Variants in MYO16 observed in about 807,000 individuals in gnomAD.
MYO16 encodes the protein myosin XVI.
Under a neutral mutation model 205.3 loss-of-function variants are expected in MYO16, and 94 were observed. The observed-to-expected ratio is 0.46, with a 90% CI of 0.39 to 0.54. MYO16 has a LOEUF of 0.54. MYO16 is among the 20% of genes least tolerant of loss of function. MYO16 has a pLI of 0.00. For synonymous variants in MYO16, 988 were observed against 954.0 expected (o/e 1.04, Z -0.66); for missense variants, 2,315 against 2,387.5 (o/e 0.97, Z 0.63).
intron 4 of MYO16, among the ~76,000 whole-genome samples, chr13:108,774,083 T>G (rs1886052828): frequency 6.6e-6 from 1 of 151,646 alleles, no homozygotes; most frequent in African/African-American, 2.4e-5. Context: ...AGAGCGAGAC[T>G]CTGTCTCAAA....
chr13:109,132,781 C>T (rs1437097147), intron 31 of MYO16, among the ~76,000 whole-genome samples: 2 of 152,212 alleles, frequency 1.3e-5, no homozygotes, highest in African/African-American at 4.8e-5. Flanking sequence ...CAGTTCACCA[C>T]CTATGACGCA....
chr13:109,141,131 C>G lies in MYO16; in HGVS notation c.4919C>G (p.Pro1640Arg). ...AGCGCAGAGGCGCCCAAGGTTCACCCAAAGCCAAACTCTGCCCCCGTGGCC... is the reference window on the plus strand; with the variant it reads ...AGCGCAGAGGCGCCCAAGGTTCACCGAAAGCCAAACTCTGCCCCCGTGGCC... ...GPSAEAPKVH[P>R]KPNSAPVAGP... Residue 1640 changes from proline to arginine, a missense_variant, in exon 32 of 35, where the codon CCA becomes CGA. Physicochemically the swap from Pro to Arg is moderately radical, Grantham distance 103. Transcript: ENST00000457511. The surrounding 1 kb of genome is among the most constrained non-coding windows in gnomAD (Gnocchi z 4.1). 1 of 1,590,084 alleles carries G rather than the reference C, an allele frequency of 6.3e-7. No individual in the cohort carries two copies. The highest frequency in any genetic ancestry group is 2.4e-5 in the East Asian group (1 of 42,182).
intron 33 of MYO16, 92 bp from the exon 34 acceptor site, chr13:109,179,450 A>C: frequency 2.5e-6 from 2 of 791,036 alleles, no homozygotes; most frequent in Non-Finnish European, 4.4e-6. Flanking sequence ...CATAAAAGAT[A>C]ACAATTCTAG....
At chr13:108,750,449 A>G (rs759896947) in intron 4 of MYO16, among the ~76,000 whole-genome samples, 27 of 152,088 alleles carry the variant, frequency 1.8e-4, no homozygotes, top group Non-Finnish European at 3.4e-4. Context: ...TTCAAACCAC[A>G]AAGTTACTTC....
In MYO16 at chr13:109,140,712, C is replaced by A; in HGVS notation, c.4500C>A (p.Ile1500=). ...AAGPPGDACD[I]PPPFPNLLPH... Reference sequence around the variant, plus strand: ...GGCCCCCAGGGGACGCGTGCGACATCCCGCCGCCCTTCCCCAACCTGCTGC... The same window carrying A: ...GGCCCCCAGGGGACGCGTGCGACATACCGCCGCCCTTCCCCAACCTGCTGC... The change falls in exon 32 of 35, where the codon ATC becomes ATA. Residue 1500 remains isoleucine (I), a synonymous_variant. Transcript: ENST00000457511. The surrounding 1 kb of genome is among the most constrained non-coding windows in gnomAD (Gnocchi z 8.0). 1 of 1,492,818 alleles carries A rather than the reference C, an allele frequency of 6.7e-7. No homozygotes were observed. Among genetic ancestry groups the A allele is most frequent in the Non-Finnish European group, 8.9e-7 (1 of 1,122,832 alleles). 92.5% of individuals were successfully genotyped at this position (1,492,818 alleles called of 1,614,324 possible). A position where few individuals can be genotyped will look rare whatever the true frequency, so the allele number is the denominator to read the frequency against.
At chr13:108,875,260 G>A (rs1566383504) in intron 12 of MYO16, among the ~76,000 whole-genome samples, 1 of 152,110 alleles carries the variant, frequency 6.6e-6, no homozygotes. Context: ...AGACAGGTGG[G>A]GAAGGAAGTG....
chr13:108,885,156 G>A (rs1879808586), intron 13 of MYO16, among the ~76,000 whole-genome samples: 1 of 152,218 alleles, frequency 6.6e-6, no homozygotes, highest in African/African-American at 2.4e-5. Context: ...TTTCGTTCTT[G>A]TTGCCCAGGC....
At chr13:108,649,783 G>A (rs777655704) in intron 1 of MYO16, among the ~76,000 whole-genome samples, 2 of 152,140 alleles carry the variant, frequency 1.3e-5, no homozygotes, top group Non-Finnish European at 2.9e-5. Context: ...AATGAGGAGG[G>A]TTCTTATGTT....
intron 27 of MYO16, among the ~76,000 whole-genome samples, chr13:109,076,831 AGAG>A (rs1159266086): frequency 6.6e-6 from 1 of 152,150 alleles, no homozygotes; most frequent in African/African-American, 2.4e-5. Context: ...AAGGCAGAAA[AGAG>A]GAGAATCTAA....
intron 2 of MYO16, among the ~76,000 whole-genome samples, chr13:108,709,350 T>C (rs537199354): frequency 1.3e-5 from 2 of 152,376 alleles, no homozygotes; most frequent in African/African-American, 4.8e-5. Context: ...ATCTTGATCC[T>C]GGCTGTGATT....
At position 109,155,507 on chromosome 13, in the gene MYO16, G is replaced by A. The variant is rs1877966062; in HGVS notation, c.5165-9394G>A. 2.0e-5 allele frequency among the ~76,000 whole-genome samples: 3 copies of A among 152,250 alleles called. No individual in the cohort carries two copies. In the South Asian group the frequency reaches 6.2e-4, roughly 32 times the overall value. On this transcript the variant is annotated intron_variant, in intron 32 of 34. Coordinates refer to ENST00000457511, the MANE Select transcript of MYO16 (RefSeq NM_001198950.3). ...AGCACACGCAACCTTTCCAAGGTCT[G>A]CAGTGATGTATTTTTCTGTTTCTTA... is the stretch of plus-strand genomic sequence containing the variant.
chr13:108,579,972 G>A, the MYO16 span, among the ~76,000 whole-genome samples: 1 of 152,132 alleles, frequency 6.6e-6, no homozygotes, highest in South Asian at 2.1e-4. Context: ...TGAAATTCAT[G>A]ATAATTTATA....
At chr13:108,695,446 A>G (rs1271524899) in intron 2 of MYO16, among the ~76,000 whole-genome samples, 1 of 152,264 alleles carries the variant, frequency 6.6e-6, no homozygotes, top group Non-Finnish European at 1.5e-5. Context: ...AAGTTTTGAA[A>G]TCATGACAAG....
At chr13:108,560,006 C>T in the MYO16 span, among the ~76,000 whole-genome samples, 2 of 152,168 alleles carry the variant, frequency 1.3e-5, no homozygotes, top group African/African-American at 4.8e-5. Flanking sequence ...CCCTCTAACA[C>T]CCTTCCTAAT....
intron 11 of MYO16, among the ~76,000 whole-genome samples, chr13:108,858,807 C>G (rs1057072622): frequency 3.3e-5 from 5 of 152,144 alleles, no homozygotes; most frequent in African/African-American, 1.2e-4. Flanking sequence ...TGAGGAAAGG[C>G]TCATAAAGCC....
At chr13:109,086,901 C>T (rs1888449630) in intron 27 of MYO16, among the ~76,000 whole-genome samples, 1 of 152,194 alleles carries the variant, frequency 6.6e-6, no homozygotes, top group Admixed American at 6.5e-5. Flanking sequence ...ATGTACATAT[C>T]TGTTGCATTT....
At chr13:108,537,022 G>C in the MYO16 span, among the ~76,000 whole-genome samples, 1 of 151,992 alleles carries the variant, frequency 6.6e-6, no homozygotes, top group East Asian at 1.9e-4. Context: ...TTTCTTACAT[G>C]GATACATTGG....
intron 12 of MYO16, among the ~76,000 whole-genome samples, chr13:108,878,346 G>A (rs550553169): frequency 2.0e-5 from 3 of 152,254 alleles, no homozygotes; most frequent in South Asian, 4.2e-4. Flanking sequence ...AAGAGAAGGA[G>A]CATCTGAATG....
At chr13:108,734,801 C>T (rs962690328) in intron 4 of MYO16, among the ~76,000 whole-genome samples, 2 of 152,178 alleles carry the variant, frequency 1.3e-5, no homozygotes, top group African/African-American at 4.8e-5. Context: ...GTATCATGTC[C>T]CATGGTGTGG....
Sources: gnomAD v4.1 joint callset for allele counts (sites outside exome capture counted in the v4.1 genomes callset) on GRCh38, gnomAD v4.1.1 for gene constraint, Gnocchi (gnomAD v3.1) non-coding constraint, MANE v1.5 for transcripts, NCBI Gene and HGNC (gene_info 2026-07-23, HGNC 2026-07-21) for gene names.